LARP4B: variants seen among roughly 807,000 people sequenced by gnomAD.
LARP4B encodes the protein La ribonucleoprotein 4B.
LARP4B carries 12 observed loss-of-function variants against 89.8 expected under a neutral mutation model. The ratio of observed to expected loss-of-function variants is 0.13; its 90% CI spans 0.09 to 0.22. The LOEUF is 0.22. LARP4B is among the 10% of genes least tolerant of loss of function. The pLI, the probability that LARP4B is intolerant of heterozygous loss-of-function variation, is 1.00. For synonymous variants in LARP4B, 367 were observed against 363.3 expected (o/e 1.01, Z -0.12); for missense variants, 757 against 947.7 (o/e 0.80, Z 2.64).
At chr10:979,787 T>C in the LARP4B span, among the ~76,000 whole-genome samples, 3 of 152,078 alleles carry the variant, frequency 2.0e-5, no homozygotes, top group Non-Finnish European at 4.4e-5. Flanking sequence ...CTGGCTAACA[T>C]GGTGAAACCC....
At chr10:896,648 T>C (rs148504880) in intron 1 of LARP4B, among the ~76,000 whole-genome samples, 16 of 152,348 alleles carry the variant, frequency 1.1e-4, no homozygotes, top group Middle Eastern at 3.4e-3. Flanking sequence ...TATTAATTGA[T>C]TCTTGATACT....
At chr10:920,793 A>T (rs1052335196) in intron 1 of LARP4B, among the ~76,000 whole-genome samples, 11 of 152,188 alleles carry the variant, frequency 7.2e-5, no homozygotes, top group African/African-American at 2.7e-4. Context: ...ATTAAAAAGA[A>T]TTAAAGGTTC....
At chr10:915,047 T>C (rs992514720) in intron 1 of LARP4B, among the ~76,000 whole-genome samples, 6 of 152,308 alleles carry the variant, frequency 3.9e-5, no homozygotes, top group African/African-American at 1.4e-4. Context: ...CAGCAGACTT[T>C]TCTTGGAGCA....
intron 3 of LARP4B, 56 bp from the exon 4 acceptor site, chr10:864,326 T>A: frequency 6.3e-7 from 1 of 1,576,574 alleles, no homozygotes; most frequent in African/African-American, 1.3e-5. Flanking sequence ...AATACAATTT[T>A]ACTCATTAAT....
intron 5 of LARP4B, among the ~76,000 whole-genome samples, chr10:853,318 A>C (rs1232927664): frequency 1.3e-5 from 2 of 152,240 alleles, no homozygotes; most frequent in Non-Finnish European, 2.9e-5. Context: ...TGAGTACACT[A>C]AACTGTTGTA....
At chr10:969,414 T>G in the LARP4B span, among the ~76,000 whole-genome samples, 1 of 151,998 alleles carries the variant, frequency 6.6e-6, no homozygotes, top group Non-Finnish European at 1.5e-5. Context: ...GTAGGGTAGA[T>G]AGAGGAGTGA....
chr10:845,082 G>A (rs1833707447), intron 5 of LARP4B, 27 bp from the exon 6 acceptor site: 1 of 1,558,304 alleles, frequency 6.4e-7, no homozygotes, highest in African/African-American at 1.4e-5. Context: ...ATCAACTTAG[G>A]AAAACCGGCT....
the LARP4B span, among the ~76,000 whole-genome samples, chr10:963,665 C>A: frequency 6.6e-6 from 1 of 152,170 alleles, no homozygotes; most frequent in Non-Finnish European, 1.5e-5. Flanking sequence ...GTCCATTTTG[C>A]AACACAATAG....
At chr10:907,145 CAA>C (rs1360921257) in intron 1 of LARP4B, among the ~76,000 whole-genome samples, 2 of 152,226 alleles carry the variant, frequency 1.3e-5, no homozygotes, top group African/African-American at 4.8e-5. Flanking sequence ...CACTCCAACA[CAA>C]AAGTTTTATC....
intron 1 of LARP4B, among the ~76,000 whole-genome samples, chr10:924,776 T>C (rs1409569762): frequency 1.3e-5 from 2 of 152,246 alleles, no homozygotes; most frequent in African/African-American, 4.8e-5. Context: ...GTCAGTGCAC[T>C]GCACTTTCTT....
chr10:905,590 T>C (rs548797249), intron 1 of LARP4B, among the ~76,000 whole-genome samples: 1 of 152,312 alleles, frequency 6.6e-6, no homozygotes, highest in East Asian at 1.9e-4. Context: ...TTTTCCATTA[T>C]GTTCAATCCT....
chr10:844,369 T>C lies in LARP4B; in HGVS notation c.509+608A>G, dbSNP rs929254840. Among the ~76,000 whole-genome samples the C allele has an allele frequency of 2.6e-5, 4 of 152,174 alleles. No homozygotes were observed. In the East Asian group the frequency reaches 7.7e-4, roughly 29 times the overall value. The stretch of plus-strand genomic sequence containing the variant: ...CAGAGCCCCTCACACCTCCACCTCA[T>C]ACACCCCACAGGCTTCAAGGAGCCC... On this transcript the variant is annotated intron_variant, in intron 6 of 17. Coordinates refer to ENST00000316157, the MANE Select transcript of LARP4B (RefSeq NM_015155.3).
the LARP4B span, among the ~76,000 whole-genome samples, chr10:947,190 G>C: frequency 1.3e-5 from 2 of 152,108 alleles, no homozygotes; most frequent in Non-Finnish European, 2.9e-5. Flanking sequence ...TTATCTGCCA[G>C]TCTCCAGAAG....
intron 1 of LARP4B, among the ~76,000 whole-genome samples, chr10:907,806 T>C (rs969646486): frequency 5.3e-5 from 8 of 152,214 alleles, no homozygotes; most frequent in Admixed American, 1.3e-4. Context: ...AATTAGACTG[T>C]TGGGACTTTC....
chr10:843,524 C>T (rs1833631828), intron 6 of LARP4B, among the ~76,000 whole-genome samples: 2 of 152,010 alleles, frequency 1.3e-5, no homozygotes, highest in Non-Finnish European at 2.9e-5. Flanking sequence ...CATGGTGAAA[C>T]CCCATCTCTA....
At chr10:910,460 C>T (rs7069505) in intron 1 of LARP4B, among the ~76,000 whole-genome samples, 60,577 of 152,152 alleles carry the variant, frequency 0.4, 12,695 homozygotes, top group South Asian at 0.64. Flanking sequence ...GTGTGACACT[C>T]TCCATCTTCA....
At chr10:946,332 T>G in the LARP4B span, among the ~76,000 whole-genome samples, 1 of 152,358 alleles carries the variant, frequency 6.6e-6, no homozygotes, top group Non-Finnish European at 1.5e-5. Context: ...GGAAACTTTC[T>G]AGGAGCTGAA....
At chr10:870,844 T>C (rs996032735) in intron 3 of LARP4B, among the ~76,000 whole-genome samples, 1 of 152,234 alleles carries the variant, frequency 6.6e-6, no homozygotes, top group African/African-American at 2.4e-5. Context: ...CAGAATTCTC[T>C]ACTATTTCTG....
At chr10:863,713 T>G (rs1200937618) in intron 5 of LARP4B, 30 bp downstream of exon 5, 1 of 1,563,644 alleles carries the variant, frequency 6.4e-7, no homozygotes, top group Non-Finnish European at 8.6e-7. Flanking sequence ...CCATATTCCC[T>G]GGGAAAATGC....
Sources: allele counts gnomAD v4.1 joint callset (sites outside exome capture counted in the v4.1 genomes callset), GRCh38; gene constraint gnomAD v4.1.1; transcripts MANE v1.5; gene names NCBI Gene and HGNC (gene_info 2026-07-23, HGNC 2026-07-21).